PDZD2: variants seen among roughly 807,000 people sequenced by gnomAD.
PDZD2 encodes PDZ domain-containing protein 2.
In PDZD2, 90 loss-of-function variants were observed where a neutral mutation model predicts 220.7. The ratio of observed to expected loss-of-function variants is 0.41; its 90% confidence interval spans 0.34 to 0.49. The LOEUF is 0.49. Ranked by LOEUF, PDZD2 falls within the 20% of genes least tolerant of loss-of-function variation. The probability of loss-of-function intolerance (pLI) is 0.28; values close to 1 mark genes in which losing one functional copy is unlikely to be tolerated. For synonymous variants in PDZD2, 1,375 were observed against 1,450.5 expected, an observed-to-expected ratio of 0.95 and a Z score of 1.18; for missense variants, 3,174 against 3,608.5, an observed-to-expected ratio of 0.88 and a Z score of 3.08.
intron 1 of PDZD2, among the ~76,000 whole-genome samples, chr5:31,766,919 G>A (rs907158611): frequency 1.3e-5 from 2 of 150,968 alleles, no homozygotes; most frequent in South Asian, 2.1e-4. Context: ...GTAGAGACTG[G>A]GTTTCATCAT....
chr5:31,945,815 C>T (rs1045624880), intron 2 of PDZD2, among the ~76,000 whole-genome samples: 2 of 152,092 alleles, frequency 1.3e-5, no homozygotes, highest in African/African-American at 4.8e-5. Flanking sequence ...GACAGGTGCA[C>T]AGCCATTATA....
rs1189592298 is a variant in PDZD2, at chr5:32,089,432, A to G, written c.5984A>G (p.Gln1995Arg). Residue 1995 changes from glutamine to arginine, a missense_variant, in exon 20 of 25, where the codon CAA becomes CGA. By Grantham distance (43) the Gln-to-Arg change is conservative (BLOSUM62 1). Transcript: ENST00000438447. ...ACCTCTCCCAAGCCTGTTCCTGAGC[A>G]AGGCATGTGGAGCAGGTTCCACATG... ...PLTSPKPVPE[Q>R]GMWSRFHMAV... 3 of 1,614,028 alleles carry G rather than the reference A, an allele frequency of 1.9e-6. No individual in the cohort carries two copies. The highest frequency in any genetic ancestry group is 1.7e-5 in the Admixed American group (1 of 60,030).
Position 31,839,205 on chromosome 5 carries a change from CA to C in PDZD2, c.476+39482del, listed in dbSNP as rs1438976018. On this transcript the variant is annotated intron_variant, in intron 2 of 24. Transcript: ENST00000438447. ...CATCTTTGAAGACAAGTTTTGTTGA[CA>C]GGGGGTGCAAAATCTTAATTTATCT... Among the ~76,000 whole-genome samples the C allele has an allele frequency of 2.6e-5, 4 of 152,284 alleles. No individual in the cohort carries two copies. In the East Asian group the frequency reaches 7.7e-4, roughly 29 times the overall value.
At chr5:31,837,375 A>T (rs1339071059) in intron 2 of PDZD2, among the ~76,000 whole-genome samples, 1 of 152,168 alleles carries the variant, frequency 6.6e-6, no homozygotes, top group East Asian at 1.9e-4. Flanking sequence ...CTTGCCAGGG[A>T]ACAGCAAACT....
chr5:31,887,187 A>G (rs1006432128), intron 2 of PDZD2, among the ~76,000 whole-genome samples: 1 of 152,198 alleles, frequency 6.6e-6, no homozygotes, highest in Non-Finnish European at 1.5e-5. Context: ...AACGTAGTGG[A>G]TATTTTTAAG....
At chr5:31,803,261 CTTTTTTTTTTT>C (rs759569783) in intron 2 of PDZD2, among the ~76,000 whole-genome samples, 1 of 92,256 alleles carries the variant, frequency 1.1e-5, no homozygotes, top group Non-Finnish European at 2.0e-5. Context: ...CTGCATCTGG[CTTTTTTTTTTT>C]TTTTTTTTTT....
intron 6 of PDZD2, among the ~76,000 whole-genome samples, chr5:32,022,185 G>GTTTT (rs145876120): frequency 3.4e-4 from 46 of 135,584 alleles, no homozygotes; most frequent in Non-Finnish European, 4.5e-4. Flanking sequence ...TTGTTTTTTT[G>GTTTT]TTTTTTTGTT....
chr5:31,969,323 A>T (rs1462979975), intron 2 of PDZD2, among the ~76,000 whole-genome samples: 1 of 151,872 alleles, frequency 6.6e-6, no homozygotes, highest in Non-Finnish European at 1.5e-5. Context: ...CCTGGGCAAC[A>T]TGGTGAAACC....
chr5:31,749,954 G>A (rs745420487), intron 1 of PDZD2, among the ~76,000 whole-genome samples: 11 of 152,180 alleles, frequency 7.2e-5, no homozygotes, highest in Non-Finnish European at 1.2e-4. Flanking sequence ...GTTTATCTTT[G>A]GGCTTGCAGG....
At chr5:32,003,215 C>T (rs1752446498) in intron 5 of PDZD2, among the ~76,000 whole-genome samples, 1 of 39,820 alleles carries the variant, frequency 2.5e-5, no homozygotes, top group African/African-American at 1.2e-4. Context: ...ACACATCACA[C>T]ACCCACACAC....
chr5:31,983,807 A>G (rs1409500983), intron 3 of PDZD2, 151 bp downstream of exon 3: 2 of 755,852 alleles, frequency 2.6e-6, no homozygotes, highest in Non-Finnish European at 4.3e-6. Context: ...AGGTTTAAAA[A>G]ATATACCTAA....
chr5:31,878,555 C>CTTT (rs397884384), intron 2 of PDZD2, among the ~76,000 whole-genome samples: 736 of 48,170 alleles, frequency 0.015, 26 homozygotes, highest in South Asian at 0.026. Context: ...ATGACCTCGG[C>CTTT]TTTTTTTTTT....
chr5:31,692,547 C>A (rs1438739181), intron 1 of PDZD2, among the ~76,000 whole-genome samples: 1 of 152,254 alleles, frequency 6.6e-6, no homozygotes, highest in Non-Finnish European at 1.5e-5. Context: ...CATTTTCCAA[C>A]CCTTCCCTTG....
chr5:32,006,352 A>AG (rs1752796132), intron 5 of PDZD2, among the ~76,000 whole-genome samples: 2 of 48,120 alleles, frequency 4.2e-5, no homozygotes, highest in East Asian at 6.4e-4. Flanking sequence ...TAGGAAGTAC[A>AG]ATTTTTTTTT....
intron 10 of PDZD2, among the ~76,000 whole-genome samples, chr5:32,055,920 C>T (rs161533): frequency 0.76 from 115,057 of 152,100 alleles, 43,636 homozygotes; most frequent in South Asian, 0.83. Flanking sequence ...TGAAACTCAT[C>T]CTGCAAGGCT....
chr5:31,964,130 C>T (rs146860425), intron 2 of PDZD2, among the ~76,000 whole-genome samples: 20 of 152,374 alleles, frequency 1.3e-4, no homozygotes, highest in Non-Finnish European at 1.2e-4. Context: ...GACCCACCAC[C>T]CTGTGTGAGT....
intron 2 of PDZD2, among the ~76,000 whole-genome samples, chr5:31,922,766 C>G (rs71627336): frequency 0.17 from 26,501 of 152,096 alleles, 2,413 homozygotes; most frequent in Non-Finnish European, 0.2. Flanking sequence ...CCCCGCCCCC[C>G]CCTCCGGGCT....
rs1302181805 is a variant in PDZD2 at position 32,083,693 on chromosome 5, G to C, written c.3683-3438G>C. On this transcript the variant is annotated intron_variant, in intron 19 of 24. Coordinates refer to ENST00000438447, the MANE Select transcript of PDZD2 (RefSeq NM_178140.4). This position sits in a 1 kb window ranked among gnomAD's most constrained non-coding sequence, Gnocchi z 4.1. ...GAATATGAAATTTGTTTATTTTTGA[G>C]ACGGATTCTTGCTCTGTCGCTCAGG... 1 of 152,076 alleles carries C rather than the reference G, an allele frequency of 6.6e-6. No homozygotes were observed. The highest frequency in any genetic ancestry group is 2.1e-4 in the South Asian group (1 of 4,822). 9.4% of individuals were successfully genotyped at this position (152,076 alleles called of 1,614,324 possible).
chr5:31,702,679 G>A (rs1459801292), intron 1 of PDZD2, among the ~76,000 whole-genome samples: 7 of 152,210 alleles, frequency 4.6e-5, no homozygotes, highest in African/African-American at 1.7e-4. Flanking sequence ...GGAGAGATAG[G>A]CCAAGATTAT....
Sources: allele counts gnomAD v4.1 joint callset (sites outside exome capture counted in the v4.1 genomes callset), GRCh38; gene constraint gnomAD v4.1.1; non-coding constraint Gnocchi (gnomAD v3.1); transcripts MANE v1.5; gene names NCBI Gene and HGNC (gene_info 2026-07-23, HGNC 2026-07-21).